Variants in PTPRT observed in about 807,000 individuals in gnomAD.
PTPRT encodes the protein protein tyrosine phosphatase receptor type T.
A neutral mutation model predicts 176.8 loss-of-function variants in PTPRT; 56 were observed. The observed-to-expected ratio is 0.32, with a 90% confidence interval of 0.26 to 0.40. The LOEUF is 0.40. Ranked by LOEUF, PTPRT falls within the 10% of genes least tolerant of loss-of-function variation. The probability of loss-of-function intolerance (pLI) is 1.00; values close to 1 mark genes in which losing one functional copy is unlikely to be tolerated. For missense variants in PTPRT, 1,540 were observed against 1,908.2 expected, an observed-to-expected ratio of 0.81 and a Z score of 3.60; for synonymous variants, 783 against 739.0, an observed-to-expected ratio of 1.06 and a Z score of -0.96.
At chr20:42,836,489 G>T (rs911387837) in intron 2 of PTPRT, among the ~76,000 whole-genome samples, 12 of 152,182 alleles carry the variant, frequency 7.9e-5, no homozygotes, top group African/African-American at 2.9e-4. Context: ...TGGCAATGCG[G>T]AACCAAGCAG....
rs769354478 is a variant in PTPRT, at chr20:42,161,345, C to A, written c.2682+7G>T. 6.2e-7 allele frequency: 1 copy of A among 1,614,090 alleles called. No individual in the cohort carries two copies. The highest frequency in any genetic ancestry group is 8.5e-7 in the Non-Finnish European group (1 of 1,180,000). On this transcript the variant is annotated splice_region_variant and intron_variant, in intron 17 of 30. Transcript: ENST00000373187. ...TCAGGAAGTTTCCCCACAGGCTGGTCTCTTACCTCGTATTCCTCCTTGAAC... is the reference window on the plus strand; with the variant it reads ...TCAGGAAGTTTCCCCACAGGCTGGTATCTTACCTCGTATTCCTCCTTGAAC...
At chr20:43,028,437 G>T (rs375651638) in intron 1 of PTPRT, among the ~76,000 whole-genome samples, 18 of 152,040 alleles carry the variant, frequency 1.2e-4, no homozygotes, top group East Asian at 7.7e-4. Context: ...TCTCTTCCTC[G>T]ACCTAGTTCT....
intron 11 of PTPRT, among the ~76,000 whole-genome samples, chr20:42,323,279 T>G (rs1177089867): frequency 6.6e-6 from 1 of 152,180 alleles, no homozygotes; most frequent in Admixed American, 6.5e-5. Context: ...CAAAGGATTA[T>G]AAATCATGCT....
At chr20:42,133,546 G>C (rs1271287343) in intron 18 of PTPRT, among the ~76,000 whole-genome samples, 2 of 152,166 alleles carry the variant, frequency 1.3e-5, no homozygotes, top group East Asian at 3.8e-4. Context: ...AGGAGGGAAG[G>C]ATGAATAGGT....
chr20:42,298,359 C>A (rs979753905), intron 12 of PTPRT, among the ~76,000 whole-genome samples: 2 of 152,070 alleles, frequency 1.3e-5, no homozygotes, highest in Non-Finnish European at 2.9e-5. Flanking sequence ...GTTTACAAGG[C>A]AGTGAGGAAA....
chr20:42,727,542 T>C (rs907969859), intron 6 of PTPRT, among the ~76,000 whole-genome samples: 6 of 152,170 alleles, frequency 3.9e-5, no homozygotes, highest in African/African-American at 1.4e-4. Context: ...CTTATGTGTA[T>C]GTGTGTGTGT....
At chr20:43,005,685 A>G (rs1984817075) in intron 1 of PTPRT, among the ~76,000 whole-genome samples, 1 of 152,246 alleles carries the variant, frequency 6.6e-6, no homozygotes. Context: ...CCGAATCCCC[A>G]GCAGTCTAGC....
the PTPRT span, among the ~76,000 whole-genome samples, chr20:42,043,316 G>T: frequency 2.6e-5 from 4 of 152,158 alleles, no homozygotes; most frequent in East Asian, 7.7e-4. Context: ...TTAAGGCAGG[G>T]ACTTGAATTC....
intron 9 of PTPRT, among the ~76,000 whole-genome samples, chr20:42,446,720 C>T (rs2070739859): frequency 6.6e-6 from 1 of 151,736 alleles, no homozygotes; most frequent in African/African-American, 2.4e-5. Flanking sequence ...CTCTCTTTCC[C>T]AAAGAAGTTT....
chr20:42,115,568 AC>A (rs1987234272), intron 21 of PTPRT, among the ~76,000 whole-genome samples: 1 of 152,210 alleles, frequency 6.6e-6, no homozygotes, highest in African/African-American at 2.4e-5. Flanking sequence ...GCTCCTTGTA[AC>A]TTTCCAATGC....
intron 7 of PTPRT, among the ~76,000 whole-genome samples, chr20:42,674,722 C>T (rs528353881): frequency 3.5e-4 from 53 of 152,220 alleles, no homozygotes; most frequent in African/African-American, 1.3e-3. Context: ...TACCAAAGGC[C>T]TGTTTTGAAA....
chr20:43,010,729 GAA>G (rs140518179), intron 1 of PTPRT, among the ~76,000 whole-genome samples: 35 of 141,144 alleles, frequency 2.5e-4, no homozygotes, highest in Admixed American at 4.3e-4. Flanking sequence ...CCACTTGCAA[GAA>G]AAAAAAAAAA....
At chr20:42,655,683 T>C (rs921159427) in intron 7 of PTPRT, among the ~76,000 whole-genome samples, 2 of 151,978 alleles carry the variant, frequency 1.3e-5, no homozygotes, top group African/African-American at 4.8e-5. Context: ...GTATGGCTGA[T>C]TGGGTGTAAA....
chr20:43,077,843 C>G (rs903920864), intron 1 of PTPRT, among the ~76,000 whole-genome samples: 8 of 152,166 alleles, frequency 5.3e-5, no homozygotes, highest in African/African-American at 1.4e-4. Context: ...AGCAGTAGAC[C>G]TCAGGACCTT....
chr20:42,394,236 G>T (rs1275654120), intron 9 of PTPRT, among the ~76,000 whole-genome samples: 2 of 152,084 alleles, frequency 1.3e-5, no homozygotes, highest in Non-Finnish European at 1.5e-5. Context: ...CATCAAAGGA[G>T]ATCCCCCTTT....
chr20:42,510,478 T>TA (rs1363796144), intron 7 of PTPRT, among the ~76,000 whole-genome samples: 2 of 152,068 alleles, frequency 1.3e-5, no homozygotes, highest in African/African-American at 2.4e-5. Flanking sequence ...GGAGCCCCAA[T>TA]ACAGACCTGC....
intron 2 of PTPRT, among the ~76,000 whole-genome samples, chr20:42,825,536 C>T (rs6030497): frequency 0.022 from 3,383 of 152,080 alleles, 120 homozygotes; most frequent in African/African-American, 0.073. Context: ...ATTTAGCAAA[C>T]GTATGAGCAT....
rs778460141 is a variant in PTPRT at position 42,448,247 on chromosome 20, C to G, written c.1533G>C (p.Glu511Asp). 1 of 1,612,606 alleles carries G rather than the reference C, an allele frequency of 6.2e-7. No homozygotes were observed. Among genetic ancestry groups the G allele is most frequent in the South Asian group, 1.1e-5 (1 of 91,064 alleles). The change falls in exon 9 of 31, where the codon GAG (glutamate) becomes GAC (aspartate). Residue 511 changes from glutamate (E) to aspartate (D), a missense_variant. Transcript: ENST00000373187. ...KIYIQWKPPN[E>D]TNGVITLYEI... ...CGTAGAGCGTGATGACCCCATTGGT[C>G]TCATTGGGAGGTTTCCACTGGATGT...
intron 6 of PTPRT, among the ~76,000 whole-genome samples, chr20:42,749,571 T>G (rs2076740754): frequency 6.6e-6 from 1 of 152,152 alleles, no homozygotes; most frequent in Non-Finnish European, 1.5e-5. Context: ...GTCCAGAACC[T>G]CTCTGGGTTT....
Sources: gnomAD v4.1 joint callset for allele counts (sites outside exome capture counted in the v4.1 genomes callset) on GRCh38, gnomAD v4.1.1 for gene constraint, MANE v1.5 for transcripts, NCBI Gene and HGNC (gene_info 2026-07-23, HGNC 2026-07-21) for gene names.